Variants in GALNTL6 observed in about 807,000 individuals in gnomAD.
The protein encoded by GALNTL6 is polypeptide N-acetylgalactosaminyltransferase-like 6.
GALNTL6 carries 46 observed loss-of-function variants against 73.7 expected under a neutral mutation model. The observed-to-expected ratio is 0.62, with a 90% confidence interval of 0.49 to 0.80. GALNTL6 has a LOEUF of 0.80. GALNTL6 is among the 30% of genes least tolerant of loss of function. The pLI, the probability that GALNTL6 is intolerant of heterozygous loss-of-function variation, is 0.00. For missense variants in GALNTL6, 604 were observed against 755.0 expected (o/e 0.80, Z 2.34); for synonymous variants, 259 against 263.7 (o/e 0.98, Z 0.17).
At chr4:172,165,496 A>G (rs1325510608) in intron 2 of GALNTL6, among the ~76,000 whole-genome samples, 1 of 152,154 alleles carries the variant, frequency 6.6e-6, no homozygotes, top group Non-Finnish European at 1.5e-5. Flanking sequence ...ATGACTTACT[A>G]TGTAATTTTG....
intron 5 of GALNTL6, among the ~76,000 whole-genome samples, chr4:172,452,500 G>C (rs956383206): frequency 7.2e-5 from 11 of 152,080 alleles, no homozygotes; most frequent in African/African-American, 2.7e-4. Context: ...TGTTTTATAA[G>C]ATCTTTATTC....
chr4:172,194,864 GACAC>G (rs1227677656), intron 2 of GALNTL6, among the ~76,000 whole-genome samples: 1 of 152,114 alleles, frequency 6.6e-6, no homozygotes, highest in Non-Finnish European at 1.5e-5. Context: ...ACACACCAAT[GACAC>G]TATGAAGCAA....
At chr4:172,455,777 C>G (rs1732374841) in intron 5 of GALNTL6, among the ~76,000 whole-genome samples, 2 of 152,190 alleles carry the variant, frequency 1.3e-5, no homozygotes, top group African/African-American at 4.8e-5. Flanking sequence ...GCAGCTTCAG[C>G]AGACTTAAAA....
chr4:172,170,977 A>G (rs944349171), intron 2 of GALNTL6, among the ~76,000 whole-genome samples: 5 of 152,208 alleles, frequency 3.3e-5, no homozygotes, highest in African/African-American at 1.2e-4. Flanking sequence ...TTATCGTCAA[A>G]TAATGAAAAG....
At position 172,825,489 on chromosome 4, in the gene GALNTL6, G is replaced by A. The variant is rs1322488346; in HGVS notation, c.923+11766G>A. On this transcript the variant is annotated intron_variant, in intron 7 of 12. Transcript: ENST00000506823. ...TGTTAGCGTGTTTTTCTATCAGTGG[G>A]AACTAGGTTGGAAGCCCCAGACTCT... is the stretch of plus-strand genomic sequence containing the variant. Among the ~76,000 whole-genome samples, 3 of 152,114 alleles carry A rather than the reference G, an allele frequency of 2.0e-5. No individual in the cohort carries two copies. In the East Asian group the frequency reaches 5.8e-4, roughly 29 times the overall value.
chr4:172,671,332 CTG>C (rs1443960014), intron 5 of GALNTL6, among the ~76,000 whole-genome samples: 1 of 152,022 alleles, frequency 6.6e-6, no homozygotes, highest in Non-Finnish European at 1.5e-5. Flanking sequence ...TCTTTGAGTA[CTG>C]TTTGGTAGTT....
In GALNTL6 at chr4:172,269,021, A is replaced by G. The variant is rs141777800; in HGVS notation, c.247+39257A>G. On this transcript the variant is annotated intron_variant, in intron 3 of 12. Coordinates refer to ENST00000506823, the MANE Select transcript of GALNTL6 (RefSeq NM_001034845.3). ...GAAAGGGAGATGAGCGTGGCCCATC[A>G]CATCTCTGTGGTAGCCACATATTTT... Among the ~76,000 whole-genome samples, 947 of 152,126 alleles carry G rather than the reference A, an allele frequency of 6.2e-3. 3 individuals are homozygous for G. Among genetic ancestry groups the G allele is most frequent in the Admixed American group, 0.014 (218 of 15,278 alleles).
chr4:172,689,512 CTTTT>C (rs979722547), intron 5 of GALNTL6, among the ~76,000 whole-genome samples: 13 of 152,178 alleles, frequency 8.5e-5, no homozygotes, highest in African/African-American at 3.1e-4. Context: ...AAATTGCATT[CTTTT>C]TTTGACACTT....
chr4:171,880,476 C>T (rs950197048), intron 2 of GALNTL6, among the ~76,000 whole-genome samples: 3 of 152,166 alleles, frequency 2.0e-5, no homozygotes, highest in African/African-American at 7.2e-5. Flanking sequence ...GGAAGAAAGG[C>T]TGTTAATTAA....
chr4:172,780,121 T>G lies in GALNTL6; in HGVS notation c.554-29240T>G, dbSNP rs145085607. On this transcript the variant is annotated intron_variant, in intron 5 of 12. Transcript: ENST00000506823. ...AGGTTCAGGTTTATTCTTGGCTTTT[T>G]TTTTTTTAAAGTAGTGCAAGCTGCT... is the stretch of plus-strand genomic sequence containing the variant. Among the ~76,000 whole-genome samples, 365 of 151,568 alleles carry G rather than the reference T, an allele frequency of 2.4e-3. 1 individual carries two copies. Among genetic ancestry groups the G allele is most frequent in the African/African-American group, 8.5e-3 (349 of 40,968 alleles).
intron 3 of GALNTL6, among the ~76,000 whole-genome samples, chr4:172,299,264 C>T (rs1333368847): frequency 3.3e-5 from 5 of 152,048 alleles, no homozygotes; most frequent in African/African-American, 1.2e-4. Context: ...CTCTTTTCTT[C>T]TTTATTAGTC....
intron 2 of GALNTL6, among the ~76,000 whole-genome samples, chr4:171,831,067 C>T (rs561508262): frequency 7.9e-5 from 12 of 152,146 alleles, no homozygotes; most frequent in African/African-American, 2.6e-4. Flanking sequence ...GGAATATAGA[C>T]TGATATATTT....
At chr4:172,901,231 T>C (rs929584934) in intron 8 of GALNTL6, among the ~76,000 whole-genome samples, 1 of 152,152 alleles carries the variant, frequency 6.6e-6, no homozygotes, top group South Asian at 2.1e-4. Context: ...TTCCTGTCCC[T>C]CCCTGTTAGT....
At chr4:172,006,142 A>C (rs1740834502) in intron 2 of GALNTL6, among the ~76,000 whole-genome samples, 2 of 152,202 alleles carry the variant, frequency 1.3e-5, no homozygotes, top group Non-Finnish European at 2.9e-5. Context: ...CTGTTTCATT[A>C]ATCTGTGCAG....
chr4:172,487,346 C>CT (rs750751326), intron 5 of GALNTL6, among the ~76,000 whole-genome samples: 10,749 of 124,410 alleles, frequency 0.086, 571 homozygotes, highest in Non-Finnish European at 0.14. Context: ...TTCTTTCTTT[C>CT]TTTCTTTCTT....
At chr4:172,895,167 G>C (rs1220675774) in intron 8 of GALNTL6, among the ~76,000 whole-genome samples, 1 of 151,104 alleles carries the variant, frequency 6.6e-6, no homozygotes, top group Non-Finnish European at 1.5e-5. Context: ...CTTTTAATTG[G>C]AGAATTTAAT....
intron 2 of GALNTL6, among the ~76,000 whole-genome samples, chr4:171,853,537 A>T (rs1325568706): frequency 5.4e-3 from 216 of 39,722 alleles, no homozygotes; most frequent in Admixed American, 9.0e-3. Flanking sequence ...CTTGCCTTTC[A>T]TTTTTCTCTC....
At chr4:171,997,190 C>T (rs1740520678) in intron 2 of GALNTL6, among the ~76,000 whole-genome samples, 1 of 152,206 alleles carries the variant, frequency 6.6e-6, no homozygotes, top group South Asian at 2.1e-4. Context: ...GAGTTTGCAA[C>T]CTGGTAGAGC....
intron 3 of GALNTL6, among the ~76,000 whole-genome samples, chr4:172,303,322 T>C (rs1740007195): frequency 1.3e-5 from 2 of 152,116 alleles, no homozygotes; most frequent in Admixed American, 1.3e-4. Context: ...TCAGTATGGA[T>C]TATTAACTTA....
Sources: gnomAD v4.1 joint callset for allele counts (sites outside exome capture counted in the v4.1 genomes callset) on GRCh38, gnomAD v4.1.1 for gene constraint, MANE v1.5 for transcripts, NCBI Gene and HGNC (gene_info 2026-07-23, HGNC 2026-07-21) for gene names.